The following RP1 variants were observed in gnomAD, a reference collection of about 807,000 sequenced individuals.
RP1 encodes oxygen-regulated protein 1.
In RP1, 16 loss-of-function variants were observed where a neutral mutation model predicts 14.8. That is an observed-to-expected ratio of 1.08 (90% CI 0.73 to 1.65). The LOEUF is 1.65. Among genes scored for constraint, RP1 ranks in the 40% most tolerant of loss-of-function variants. RP1 has a pLI of 0.00. For synonymous variants in RP1, 876 were observed against 883.6 expected (o/e 0.99, Z 0.15); for missense variants, 2,631 against 2,535.0 (o/e 1.04, Z -0.81).
chr8:54,857,123 T>G (rs1812223069), intron 27 of RP1: 1 of 1,161,780 alleles, frequency 8.6e-7, no homozygotes, highest in African/African-American at 1.6e-5. Flanking sequence ...TTTAGTTTCT[T>G]GGTAAGAAGT....
intron 19 of RP1, among the ~76,000 whole-genome samples, chr8:54,750,422 C>T (rs754712897): frequency 6.6e-6 from 1 of 152,188 alleles, no homozygotes; most frequent in African/African-American, 2.4e-5. Flanking sequence ...GGCACAAAAA[C>T]CGCCCTCTTA....
At chr8:54,791,980 A>G (rs1389876461) in intron 24 of RP1, among the ~76,000 whole-genome samples, 4 of 152,072 alleles carry the variant, frequency 2.6e-5, no homozygotes, top group Non-Finnish European at 5.9e-5. Context: ...TTTAGCTTTA[A>G]AGACACACAT....
intron 12 of RP1, among the ~76,000 whole-genome samples, chr8:54,684,256 A>T (rs1323087117): frequency 6.6e-6 from 1 of 152,086 alleles, no homozygotes; most frequent in Non-Finnish European, 1.5e-5. Context: ...AATCAGGGAT[A>T]TTGGCCTGAA....
chr8:54,656,079 A>G lies in RP1; in HGVS notation c.1039-4A>G, dbSNP rs1310810687. The G allele has an allele frequency of 6.6e-6, 10 of 1,513,138 alleles. No homozygotes were observed. The South Asian group carries it at 9.9e-5, about 15-fold the overall frequency. The allele number at this position is 1,513,138 out of a possible 1,614,324, so 93.7% of individuals were successfully genotyped here. A position where few individuals can be genotyped will look rare whatever the true frequency, so the allele number is the denominator to read the frequency against. On this transcript the variant is annotated splice_region_variant and splice_polypyrimidine_tract_variant and intron_variant, in intron 5 of 22. Transcript: ENST00000636932. ...TTTTAAAAGTAATATTATTGTTATT[A>G]TAGATACAGCTGCATAATATGAATT...
chr8:54,626,257 AAAG>A lies in RP1; in HGVS notation c.2377_2379del (p.Arg793del). ...AAAATAAGCTTAGGAGCACCTAAAA[AAAG>A]AGAAATCGGTCAAAGAGATAAAGTG... is the stretch of plus-strand genomic sequence containing the variant. On this transcript the variant is annotated inframe_deletion, in exon 4 of 4. Transcript: ENST00000220676. 1 of 1,613,610 alleles carries A rather than the reference AAAG, an allele frequency of 6.2e-7. No homozygotes were observed. The highest frequency in any genetic ancestry group is 8.5e-7 in the Non-Finnish European group (1 of 1,179,762).
At chr8:54,704,364 G>A (rs1435198355) in intron 14 of RP1, among the ~76,000 whole-genome samples, 2 of 152,142 alleles carry the variant, frequency 1.3e-5, no homozygotes, top group Non-Finnish European at 2.9e-5. Context: ...CTGGTTAGTG[G>A]AGCCATTCAG....
chr8:54,651,591 T>A (rs1806655811), intron 4 of RP1, among the ~76,000 whole-genome samples: 1 of 152,200 alleles, frequency 6.6e-6, no homozygotes, highest in Admixed American at 6.5e-5. Flanking sequence ...TTTTTATTTC[T>A]GTAAAGTCAA....
chr8:54,732,236 C>T (rs1808810723), intron 17 of RP1, among the ~76,000 whole-genome samples: 1 of 152,200 alleles, frequency 6.6e-6, no homozygotes, highest in Non-Finnish European at 1.5e-5. Context: ...CTACATCCAG[C>T]ACTAAGGTTT....
chr8:54,750,474 T>C (rs1001757980), intron 19 of RP1, among the ~76,000 whole-genome samples: 4 of 152,176 alleles, frequency 2.6e-5, no homozygotes, highest in Non-Finnish European at 5.9e-5. Flanking sequence ...ATCAAGCTCT[T>C]TTACAATATT....
chr8:54,718,791 G>A (rs1240111289), intron 15 of RP1, among the ~76,000 whole-genome samples: 1 of 152,152 alleles, frequency 6.6e-6, no homozygotes, highest in Non-Finnish European at 1.5e-5. Context: ...AAAATGCAAA[G>A]CTATAGACAC....
At chr8:54,775,855 C>T (rs1367493954) in intron 23 of RP1, among the ~76,000 whole-genome samples, 1 of 152,132 alleles carries the variant, frequency 6.6e-6, no homozygotes, top group Non-Finnish European at 1.5e-5. Context: ...CTCCTAATGA[C>T]CAGCACACAG....
intron 1 of RP1, among the ~76,000 whole-genome samples, chr8:54,573,762 T>A (rs1479566511): frequency 1.3e-5 from 2 of 152,148 alleles, no homozygotes; most frequent in Non-Finnish European, 2.9e-5. Flanking sequence ...ACTAGATGGG[T>A]GTTGAATATA....
chr8:54,758,969 G>A (rs777945616), exon 22 of RP1: 33 of 1,535,744 alleles, frequency 2.1e-5, no homozygotes, highest in African/African-American at 2.7e-5. Flanking sequence ...AACTGCAGAA[G>A]GTGCTGTTGC....
At chr8:54,706,325 C>A in intron 14 of RP1, 2 of 982,660 alleles carry the variant, frequency 2.0e-6, no homozygotes, top group Non-Finnish European at 2.9e-6. Flanking sequence ...TCGTTTTCAG[C>A]CACCAAGCCT....
At chr8:54,852,632 T>A in exon 26 of RP1, 1 of 1,231,920 alleles carries the variant, frequency 8.1e-7, no homozygotes, top group Non-Finnish European at 1.0e-6. Context: ...AAACAGAGTC[T>A]AATGTATTTA....
intron 6 of RP1, among the ~76,000 whole-genome samples, chr8:54,661,787 T>C (rs1453253002): frequency 2.6e-5 from 4 of 152,120 alleles, no homozygotes; most frequent in African/African-American, 9.7e-5. Context: ...GAGGTTCTTT[T>C]TTTTAAAAAA....
downstream of RP1, among the ~76,000 whole-genome samples, chr8:54,634,383 C>T (rs1336953243): frequency 6.6e-6 from 1 of 152,112 alleles, no homozygotes; most frequent in South Asian, 2.1e-4. Context: ...AAATTACATT[C>T]CCTGGACACC....
At chr8:54,604,680 G>C (rs1382883975) in intron 1 of RP1, among the ~76,000 whole-genome samples, 5 of 152,180 alleles carry the variant, frequency 3.3e-5, no homozygotes, top group East Asian at 3.9e-4. Context: ...GACTTTTTTT[G>C]GTTGATAAGC....
Position 54,734,791 on chromosome 8 carries a change from AT to A in RP1, c.2721+50del, listed in dbSNP as rs1808879437. The A allele has an allele frequency of 4.8e-6, 7 of 1,459,102 alleles. No individual in the cohort carries two copies. The East Asian group carries it at 1.7e-4, about 36-fold the overall frequency. 90.4% of individuals were successfully genotyped at this position (1,459,102 alleles called of 1,614,324 possible). On this transcript the variant is annotated intron_variant, in intron 18 of 22. Coordinates refer to the RP1 transcript ENST00000636932. ...ATTTTCCTGTGAACATTTCAAAGAC[AT>A]TTCTGTAATGTAGAAGTGTGTGTGT... is the stretch of plus-strand genomic sequence containing the variant.
Sources: gnomAD v4.1 joint callset for allele counts (sites outside exome capture counted in the v4.1 genomes callset) on GRCh38, gnomAD v4.1.1 for gene constraint, MANE v1.5 for transcripts, NCBI Gene and HGNC (gene_info 2026-07-23, HGNC 2026-07-21) for gene names.